Variants in TEX11 observed in about 807,000 individuals in gnomAD.
The protein encoded by TEX11 is testis expressed 11.
Under a neutral mutation model 84.4 loss-of-function variants are expected in TEX11, and 7 were observed. The observed-to-expected ratio is 0.08, with a 90% confidence interval of 0.05 to 0.16. TEX11 has a LOEUF of 0.16. Among genes scored for constraint, TEX11 ranks in the 10% least tolerant of loss-of-function variants. The probability of loss-of-function intolerance (pLI) is 1.00; values close to 1 mark genes in which losing one functional copy is unlikely to be tolerated. For missense variants in TEX11, 551 were observed against 660.5 expected (o/e 0.83, Z 1.82); for synonymous variants, 264 against 222.8 (o/e 1.18, Z -1.64).
chrX:70,837,449 G>A (rs961105003), intron 7 of TEX11, among the ~76,000 whole-genome samples: 4 of 110,552 alleles, frequency 3.6e-5, no homozygotes, highest in East Asian at 5.7e-4. Flanking sequence ...GTAATCTCAC[G>A]CTACTTGGGA....
At chrX:70,697,645 A>G (rs140696479) in intron 13 of TEX11, among the ~76,000 whole-genome samples, 34 of 112,246 alleles carry the variant, frequency 3.0e-4, no homozygotes, top group African/African-American at 1.1e-3. Flanking sequence ...TTTGAATTCT[A>G]TTCCACAGAC....
chrX:70,572,829 C>T (rs1257476196), intron 25 of TEX11, among the ~76,000 whole-genome samples: 3 of 82,369 alleles, frequency 3.6e-5, no homozygotes, highest in Non-Finnish European at 6.6e-5. Flanking sequence ...GGAAGGGGAA[C>T]ATCACACACC....
chrX:70,527,293 G>A (rs1288589273), downstream of TEX11, among the ~76,000 whole-genome samples: 2 of 112,014 alleles, frequency 1.8e-5, no homozygotes, highest in African/African-American at 6.5e-5. Context: ...CTTTACATTG[G>A]AGAGACCTGG....
At chrX:70,803,871 G>A (rs2091203011) in intron 9 of TEX11, among the ~76,000 whole-genome samples, 1 of 111,957 alleles carries the variant, frequency 8.9e-6, no homozygotes, top group African/African-American at 3.2e-5. Context: ...AGGGTCAGGC[G>A]CAGTGGCTCA....
chrX:70,558,221 T>G (rs1362690647), intron 25 of TEX11, among the ~76,000 whole-genome samples: 4 of 109,362 alleles, frequency 3.7e-5, no homozygotes, highest in Non-Finnish European at 5.7e-5. Flanking sequence ...GACATAAGGA[T>G]ATATATATAT....
At chrX:70,758,879 TAAAG>T (rs1397646560) in intron 9 of TEX11, among the ~76,000 whole-genome samples, 1 of 110,792 alleles carries the variant, frequency 9.0e-6, no homozygotes, top group African/African-American at 3.3e-5. Context: ...GCAAGACTAA[TAAAG>T]AAGAAAAGAA....
intron 21 of TEX11, among the ~76,000 whole-genome samples, chrX:70,609,764 A>G (rs1349113247): frequency 8.9e-6 from 1 of 112,011 alleles, no homozygotes; most frequent in Non-Finnish European, 1.9e-5. Context: ...TAGAATTTCT[A>G]AGATATGAAC....
intron 2 of TEX11, among the ~76,000 whole-genome samples, chrX:70,887,168 T>C (rs1471820528): frequency 8.9e-6 from 1 of 111,767 alleles, no homozygotes; most frequent in Non-Finnish European, 1.9e-5. Context: ...CTGTGGTGGC[T>C]ACAGGGAGAG....
intron 17 of TEX11, among the ~76,000 whole-genome samples, chrX:70,645,475 T>G (rs142561077): frequency 0.013 from 1,483 of 110,671 alleles, 19 homozygotes; most frequent in African/African-American, 0.046. Flanking sequence ...AATATCTAAG[T>G]TGGAAAGGAA....
intron 9 of TEX11, among the ~76,000 whole-genome samples, chrX:70,797,233 A>G (rs2091160674): frequency 8.9e-6 from 1 of 112,254 alleles, no homozygotes; most frequent in Non-Finnish European, 1.9e-5. Flanking sequence ...CAATGGCAGA[A>G]TGCATAAGGT....
intron 17 of TEX11, among the ~76,000 whole-genome samples, chrX:70,646,302 G>A (rs576426171): frequency 8.9e-6 from 1 of 111,921 alleles, no homozygotes; most frequent in Admixed American, 9.5e-5. Context: ...CGTAAGACAT[G>A]AAACTGTAGA....
intron 5 of TEX11, among the ~76,000 whole-genome samples, chrX:70,855,993 C>A (rs1041077625): frequency 1.2e-4 from 13 of 111,302 alleles, no homozygotes; most frequent in African/African-American, 4.2e-4. Flanking sequence ...CCTAGCAAAC[C>A]AATACAGTGA....
At chrX:70,524,947 G>C (rs1460920147), downstream of TEX11, among the ~76,000 whole-genome samples, 2 of 112,162 alleles carry the variant, frequency 1.8e-5, no homozygotes, top group Non-Finnish European at 3.8e-5. Flanking sequence ...GCTGAAGCAG[G>C]AAGATCACTT....
chrX:70,818,290 A>T (rs2091300383), intron 8 of TEX11, among the ~76,000 whole-genome samples: 1 of 91,444 alleles, frequency 1.1e-5, no homozygotes, highest in Non-Finnish European at 2.2e-5. Flanking sequence ...TGACAAGGTG[A>T]GACCCTGTCT....
chrX:70,739,905 C>T (rs1452186307), intron 11 of TEX11, among the ~76,000 whole-genome samples: 1 of 111,836 alleles, frequency 8.9e-6, no homozygotes, highest in Non-Finnish European at 1.9e-5. Flanking sequence ...AAATCTCCCA[C>T]ATTGGCCTCC....
At chrX:70,585,087 A>C (rs2088835886) in intron 25 of TEX11, among the ~76,000 whole-genome samples, 1 of 111,959 alleles carries the variant, frequency 8.9e-6, no homozygotes, top group Non-Finnish European at 1.9e-5. Flanking sequence ...AGTAAAAAGA[A>C]AGAAGTGTAA....
intron 17 of TEX11, among the ~76,000 whole-genome samples, chrX:70,630,181 G>A (rs5936577): frequency 0.51 from 55,050 of 108,290 alleles, 11,076 homozygotes; most frequent in East Asian, 0.75. Flanking sequence ...GTGCAGTTGC[G>A]GGCGTCTGTA....
chrX:70,568,335 T>G (rs374186889), intron 25 of TEX11, among the ~76,000 whole-genome samples: 2 of 110,753 alleles, frequency 1.8e-5, no homozygotes, highest in Non-Finnish European at 3.8e-5. Context: ...ATACAGCACA[T>G]TGATGGGTCT....
intron 28 of TEX11, among the ~76,000 whole-genome samples, chrX:70,542,830 T>C (rs2088063902): frequency 8.9e-6 from 1 of 112,195 alleles, no homozygotes; most frequent in African/African-American, 3.2e-5. Context: ...GCACGGCACA[T>C]TCAATCAAAT....
Sources: allele counts gnomAD v4.1 joint callset (sites outside exome capture counted in the v4.1 genomes callset), GRCh38; gene constraint gnomAD v4.1.1; transcripts MANE v1.5; gene names NCBI Gene and HGNC (gene_info 2026-07-23, HGNC 2026-07-21).